PPFIBP1: variants seen among roughly 807,000 people sequenced by gnomAD.
The protein encoded by PPFIBP1 is PPFIB scaffold protein 1.
PPFIBP1 carries 112 observed loss-of-function variants against 137.8 expected under a neutral mutation model. The ratio of observed to expected loss-of-function variants is 0.81; its 90% CI spans 0.70 to 0.95. PPFIBP1 has a LOEUF of 0.95. PPFIBP1 is among the 40% of genes least tolerant of loss of function. The pLI is 0.00. For missense variants in PPFIBP1, 1,083 were observed against 1,196.6 expected (o/e 0.91, Z 1.40); for synonymous variants, 378 against 417.3 (o/e 0.91, Z 1.15).
intron 1 of PPFIBP1, among the ~76,000 whole-genome samples, chr12:27,532,736 A>G (rs1944549162): frequency 6.6e-6 from 1 of 152,144 alleles, no homozygotes; most frequent in African/African-American, 2.4e-5. Context: ...AGCAAAATGT[A>G]GAATAGAGTG....
chr12:27,575,374 G>A (rs2050472661), intron 1 of PPFIBP1, among the ~76,000 whole-genome samples: 1 of 152,144 alleles, frequency 6.6e-6, no homozygotes, highest in Non-Finnish European at 1.5e-5. Context: ...CTGAGATATG[G>A]CATTATGTAT....
chr12:27,656,633 A>T lies in PPFIBP1; in HGVS notation c.714A>T (p.Leu238Phe). 6.2e-7 allele frequency: 1 copy of T among 1,609,654 alleles called. No homozygotes were observed. ...LKSTKDELAS[L>F]KEQLEEKESE... is the part of the protein sequence containing the mutation. ...ACTTGTAGGATGAACTGGCATCTTT[A>T]AAAGAACAACTAGAAGAAAAGGAAT... Residue 238 changes from leucine (L) to phenylalanine (F), a missense_variant, in exon 9 of 30, where the codon TTA (leucine) becomes TTT (phenylalanine). By Grantham distance (22) the Leu-to-Phe change is conservative. Transcript: ENST00000228425.
chr12:27,571,301 A>G (rs2050125242), intron 1 of PPFIBP1, among the ~76,000 whole-genome samples: 1 of 152,108 alleles, frequency 6.6e-6, no homozygotes, highest in South Asian at 2.1e-4. Context: ...TCATTTTTCC[A>G]GGTTTTTCTT....
chr12:27,616,773 G>A (rs2138378622), intron 2 of PPFIBP1, among the ~76,000 whole-genome samples: 1 of 152,326 alleles, frequency 6.6e-6, no homozygotes, highest in East Asian at 1.9e-4. Flanking sequence ...TTTAGATAGA[G>A]GGTTCCCCAG....
intron 2 of PPFIBP1, among the ~76,000 whole-genome samples, chr12:27,614,719 C>T (rs531377278): frequency 4.3e-4 from 66 of 152,224 alleles, no homozygotes; most frequent in South Asian, 2.7e-3. Flanking sequence ...TGCAATAGAG[C>T]TTTCCTTTGG....
chr12:27,607,761 G>A (rs762961431), intron 2 of PPFIBP1, among the ~76,000 whole-genome samples: 7 of 152,080 alleles, frequency 4.6e-5, no homozygotes, highest in Non-Finnish European at 8.8e-5. Flanking sequence ...GATTATCAGG[G>A]TGTGACCTTG....
In PPFIBP1 at chr12:27,578,772, G is replaced by A. The variant is rs140459116; in HGVS notation, c.-36+533G>A. Among the ~76,000 whole-genome samples the A allele has an allele frequency of 2.7e-3, 407 of 152,280 alleles. 1 individual carries two copies. The highest frequency in any genetic ancestry group is 9.0e-3 in the African/African-American group (375 of 41,538). On this transcript the variant is annotated intron_variant, in intron 2 of 29. Transcript: ENST00000228425. Reference sequence around the variant, plus strand: ...AGGCATTTGATTAATTCGATTCCATGTTCATTCTACAAATAGTGTTTCTGA... The same window carrying A: ...AGGCATTTGATTAATTCGATTCCATATTCATTCTACAAATAGTGTTTCTGA...
At chr12:27,594,927 A>G (rs1488340827) in intron 2 of PPFIBP1, among the ~76,000 whole-genome samples, 8 of 152,238 alleles carry the variant, frequency 5.3e-5, no homozygotes, top group East Asian at 3.8e-4. Flanking sequence ...ACAAACATAT[A>G]TATGGTTACT....
At chr12:27,661,009 C>T (rs2059510977) in intron 11 of PPFIBP1, 64 bp downstream of exon 11, 3 of 1,588,762 alleles carry the variant, frequency 1.9e-6, no homozygotes, top group South Asian at 2.3e-5. Flanking sequence ...CCATTCCATG[C>T]AATTTCATGA....
chr12:27,591,154 A>C (rs557590834), intron 2 of PPFIBP1, among the ~76,000 whole-genome samples: 2 of 151,696 alleles, frequency 1.3e-5, no homozygotes, highest in Non-Finnish European at 2.9e-5. Flanking sequence ...AAATATTTGT[A>C]GAAGGAAGAA....
At chr12:27,598,440 G>A (rs895277196) in intron 2 of PPFIBP1, among the ~76,000 whole-genome samples, 6 of 152,060 alleles carry the variant, frequency 3.9e-5, no homozygotes, top group Non-Finnish European at 7.4e-5. Flanking sequence ...AATTACCTCC[G>A]ACTGGGTCCC....
chr12:27,658,252 G>A (rs919693714), intron 9 of PPFIBP1, among the ~76,000 whole-genome samples: 6 of 152,058 alleles, frequency 3.9e-5, no homozygotes, highest in African/African-American at 9.7e-5. Context: ...TGGGAACTGC[G>A]TGTTACCAGT....
chr12:27,531,681 G>A (rs1944451685), intron 1 of PPFIBP1, among the ~76,000 whole-genome samples: 2 of 151,916 alleles, frequency 1.3e-5, no homozygotes, highest in Admixed American at 6.6e-5. Context: ...GTTACCAAAG[G>A]GAAGTGTAGT....
At chr12:27,529,539 C>A (rs1224668580) in intron 1 of PPFIBP1, among the ~76,000 whole-genome samples, 1 of 152,128 alleles carries the variant, frequency 6.6e-6, no homozygotes, top group African/African-American at 2.4e-5. Context: ...ACTAAAAATA[C>A]AAAAATTGGC....
intron 2 of PPFIBP1, among the ~76,000 whole-genome samples, chr12:27,620,790 C>T (rs74857231): frequency 0.012 from 1,797 of 152,144 alleles, 33 homozygotes; most frequent in African/African-American, 0.041. Context: ...AAACAGTGCC[C>T]GGTACAGAGT....
chr12:27,664,828 T>A (rs12579447), intron 12 of PPFIBP1, among the ~76,000 whole-genome samples: 14,869 of 152,078 alleles, frequency 0.098, 1,055 homozygotes, highest in African/African-American at 0.19. Context: ...ATGAGCAACC[T>A]CTGGTAGCGC....
At chr12:27,684,832 T>A (rs979459060) in intron 24 of PPFIBP1, among the ~76,000 whole-genome samples, 5 of 152,156 alleles carry the variant, frequency 3.3e-5, no homozygotes, top group African/African-American at 1.2e-4. Context: ...TTGCCAAAGC[T>A]AGAATTCTGT....
chr12:27,693,029 G>A lies in PPFIBP1; in HGVS notation c.*147G>A. ...CGAGAAGTTTAAACAGAAAGCAGGA[G>A]TAATGTGCCGATTCTGAAGTTGCCA... On this transcript the variant is annotated 3_prime_UTR_variant, in exon 30 of 30. Transcript: ENST00000228425. 1 of 1,301,460 alleles carries A rather than the reference G, an allele frequency of 7.7e-7. No homozygotes were observed. The highest frequency in any genetic ancestry group is 1.0e-6 in the Non-Finnish European group (1 of 989,918). The allele number at this position is 1,301,460 out of a possible 1,614,324, so 80.6% of individuals were successfully genotyped here. A position where few individuals can be genotyped will look rare whatever the true frequency, so the allele number is the denominator to read the frequency against.
chr12:27,569,228 G>A (rs2049939044), intron 1 of PPFIBP1, among the ~76,000 whole-genome samples: 1 of 152,128 alleles, frequency 6.6e-6, no homozygotes, highest in African/African-American at 2.4e-5. Flanking sequence ...TTTTTCATCA[G>A]GGTACTGCTG....
Sources: gnomAD v4.1 joint callset for allele counts (sites outside exome capture counted in the v4.1 genomes callset) on GRCh38, gnomAD v4.1.1 for gene constraint, MANE v1.5 for transcripts, NCBI Gene and HGNC (gene_info 2026-07-23, HGNC 2026-07-21) for gene names.